LPP: variants seen among roughly 807,000 people sequenced by gnomAD.
LPP encodes LIM domain containing preferred translocation partner in lipoma.
A neutral mutation model predicts 60.4 loss-of-function variants in LPP; 38 were observed. The ratio of observed to expected loss-of-function variants is 0.63; its 90% CI spans 0.49 to 0.83. The LOEUF (loss-of-function observed/expected upper bound fraction) is 0.83, where lower values mean the gene tolerates loss of function less well. Ranked by LOEUF, LPP falls within the 40% of genes least tolerant of loss-of-function variation. LPP has a pLI of 0.00. For synonymous variants in LPP, 328 were observed against 290.8 expected, an observed-to-expected ratio of 1.13 and a Z score of -1.30; for missense variants, 902 against 783.6, an observed-to-expected ratio of 1.15 and a Z score of -1.80.
At chr3:188,715,377 A>C (rs1713482657) in intron 8 of LPP, among the ~76,000 whole-genome samples, 1 of 20,946 alleles carries the variant, frequency 4.8e-5, no homozygotes, top group Admixed American at 4.8e-4. Flanking sequence ...ACTCCGTCTC[A>C]AAAAAAAAAA....
intron 3 of LPP, among the ~76,000 whole-genome samples, chr3:188,351,664 C>G (rs527506541): frequency 2.0e-4 from 30 of 152,242 alleles, no homozygotes; most frequent in African/African-American, 7.0e-4. Context: ...CAGATTGTTT[C>G]TAAATAGGAC....
chr3:188,859,089 TAAAAAA>T (rs35722501), intron 9 of LPP, among the ~76,000 whole-genome samples: 3 of 103,940 alleles, frequency 2.9e-5, no homozygotes, highest in African/African-American at 7.9e-5. Flanking sequence ...ACTCTGTCTT[TAAAAAA>T]AAAAAAAAAA....
At chr3:188,826,493 A>G (rs1577817028) in intron 9 of LPP, among the ~76,000 whole-genome samples, 1 of 152,230 alleles carries the variant, frequency 6.6e-6, no homozygotes, top group Admixed American at 6.5e-5. Flanking sequence ...CAGAATAACT[A>G]TCAAATGATA....
At chr3:188,862,715 A>AAAAAAAAAAAAG in intron 9 of LPP, among the ~76,000 whole-genome samples, 1 of 122,406 alleles carries the variant, frequency 8.2e-6, no homozygotes, top group African/African-American at 3.2e-5. Context: ...TACTAGACAA[A>AAAAAAAAAAAAG]AAAATAAATA....
chr3:188,706,557 C>A (rs1865515252), intron 7 of LPP, among the ~76,000 whole-genome samples: 1 of 152,194 alleles, frequency 6.6e-6, no homozygotes, highest in South Asian at 2.1e-4. Flanking sequence ...ACCAATCAAC[C>A]TTCTTGACTA....
chr3:188,281,269 G>C (rs760601701), intron 2 of LPP, among the ~76,000 whole-genome samples: 4 of 152,012 alleles, frequency 2.6e-5, no homozygotes, highest in Non-Finnish European at 5.9e-5. Context: ...ACTTATTAGT[G>C]ATGCGGGTTT....
At chr3:188,860,862 C>G (rs1042843736) in intron 9 of LPP, among the ~76,000 whole-genome samples, 8 of 152,160 alleles carry the variant, frequency 5.3e-5, no homozygotes, top group African/African-American at 1.9e-4. Context: ...AGATAGCAAG[C>G]CTGAATGTCT....
intron 3 of LPP, among the ~76,000 whole-genome samples, chr3:188,403,208 A>G (rs1782655956): frequency 6.6e-6 from 1 of 152,160 alleles, no homozygotes; most frequent in Admixed American, 6.5e-5. Context: ...CTGTGGAGCC[A>G]ATGATTTGCA....
At chr3:188,594,211 G>A (rs905334770) in intron 6 of LPP, among the ~76,000 whole-genome samples, 1 of 152,140 alleles carries the variant, frequency 6.6e-6, no homozygotes, top group Non-Finnish European at 1.5e-5. Flanking sequence ...AGGAGAAGAC[G>A]TTTGAATTCA....
At chr3:188,752,962 A>C (rs1416911642) in intron 8 of LPP, among the ~76,000 whole-genome samples, 1 of 152,136 alleles carries the variant, frequency 6.6e-6, no homozygotes, top group Admixed American at 6.6e-5. Context: ...GCTTGTGGGG[A>C]TGGAGAAGTG....
Position 188,760,267 on chromosome 3 carries a change from C to A in LPP, c.1395C>A (p.Cys465Ter), listed in dbSNP as rs6771786. ...ATGCTGTGGAAAAGAAAGCATACTG[C>A]GAGCCCTGCTACATTGTAAGTTCCA... ...PFYAVEKKAY[C>*]EPCYINTLEQ... The change falls in exon 9 of 12, where the codon TGC (cysteine) becomes TGA (stop). Residue 465 changes from cysteine to a stop codon, truncating the protein, a stop_gained. Transcript: ENST00000617246. LOFTEE classifies it high-confidence loss of function. 1 of 1,614,020 alleles carries A rather than the reference C, an allele frequency of 6.2e-7. No homozygotes were observed. The highest frequency in any genetic ancestry group is 1.7e-5 in the Admixed American group (1 of 59,986).
chr3:188,522,382 C>A (rs1046115162), intron 5 of LPP, among the ~76,000 whole-genome samples: 2 of 152,122 alleles, frequency 1.3e-5, no homozygotes, highest in Non-Finnish European at 2.9e-5. Flanking sequence ...CTCTTTGGTT[C>A]CGTTTTTATA....
At chr3:188,444,830 G>A (rs1024287926) in intron 4 of LPP, among the ~76,000 whole-genome samples, 17 of 152,178 alleles carry the variant, frequency 1.1e-4, no homozygotes, top group African/African-American at 3.9e-4. Flanking sequence ...CAAAGGATAT[G>A]AACAGGCACT....
In LPP at chr3:188,877,317, G is replaced by A. The variant is rs1194297353; in HGVS notation, c.*2838G>A. 3.4e-5 allele frequency: 6 copies of A among 178,612 alleles called. No homozygotes were observed. Among genetic ancestry groups the A allele is most frequent in the Middle Eastern group, 2.2e-3 (1 of 454 alleles). The allele number at this position is 178,612 out of a possible 1,614,324, so 11.1% of individuals were successfully genotyped here. On this transcript the variant is annotated 3_prime_UTR_variant, in exon 12 of 12. Coordinates refer to ENST00000617246, the MANE Select transcript of LPP (RefSeq NM_001375462.1). ...TTGTTGTGGTTTAAATACATAAATA[G>A]TAGAAAAATCAGAGTCTATAACAGA...
intron 2 of LPP, among the ~76,000 whole-genome samples, chr3:188,232,181 T>G (rs1378736548): frequency 6.6e-6 from 1 of 152,152 alleles, no homozygotes; most frequent in Non-Finnish European, 1.5e-5. Flanking sequence ...CTAGAAAAAT[T>G]AATGGAAATT....
At chr3:188,659,344 T>C (rs1033421523) in intron 7 of LPP, among the ~76,000 whole-genome samples, 2 of 152,230 alleles carry the variant, frequency 1.3e-5, no homozygotes, top group African/African-American at 4.8e-5. Context: ...ATGTTACGTC[T>C]TTTATCAGAA....
At chr3:188,729,285 T>G (rs975810348) in intron 8 of LPP, among the ~76,000 whole-genome samples, 1 of 152,162 alleles carries the variant, frequency 6.6e-6, no homozygotes, top group African/African-American at 2.4e-5. Context: ...CAAGGAAGGA[T>G]AGAGAGTCTG....
intron 9 of LPP, among the ~76,000 whole-genome samples, chr3:188,860,610 AGAC>A (rs1764962489): frequency 6.6e-6 from 1 of 150,520 alleles, no homozygotes; most frequent in Non-Finnish European, 1.5e-5. Flanking sequence ...GAGAAGTTCT[AGAC>A]TGGAGAATTG....
chr3:188,432,937 CT>C (rs1560398233), intron 4 of LPP, among the ~76,000 whole-genome samples: 2 of 152,128 alleles, frequency 1.3e-5, no homozygotes, highest in African/African-American at 4.8e-5. Flanking sequence ...TGCCTAGGAC[CT>C]TTAAGGTATT....
Sources: gnomAD v4.1 joint callset for allele counts (sites outside exome capture counted in the v4.1 genomes callset) on GRCh38, gnomAD v4.1.1 for gene constraint, MANE v1.5 for transcripts, NCBI Gene and HGNC (gene_info 2026-07-23, HGNC 2026-07-21) for gene names.